FAM13A: variants seen among roughly 807,000 people sequenced by gnomAD.
The protein encoded by FAM13A is protein FAM13A.
FAM13A carries 76 observed loss-of-function variants against 129.6 expected under a neutral mutation model. The observed-to-expected ratio is 0.59, with a 90% CI of 0.49 to 0.71. The LOEUF is 0.71. FAM13A is among the 30% of genes least tolerant of loss of function. FAM13A has a pLI of 0.00. For synonymous variants in FAM13A, 443 were observed against 449.9 expected, an observed-to-expected ratio of 0.98 and a Z score of 0.20; for missense variants, 1,108 against 1,249.3, an observed-to-expected ratio of 0.89 and a Z score of 1.70.
intron 14 of FAM13A, among the ~76,000 whole-genome samples, chr4:88,754,616 A>G (rs1456789764): frequency 6.6e-6 from 1 of 152,198 alleles, no homozygotes; most frequent in Non-Finnish European, 1.5e-5. Context: ...AGACATAAAA[A>G]GATGTAAGCC....
At chr4:88,981,477 T>G (rs1761659311) in intron 4 of FAM13A, among the ~76,000 whole-genome samples, 1 of 152,200 alleles carries the variant, frequency 6.6e-6, no homozygotes, top group South Asian at 2.1e-4. Context: ...CCTTAAATAT[T>G]CTTAAAGTAT....
Position 89,015,017 on chromosome 4 carries a change from G to A in FAM13A, c.427+5443C>T, listed in dbSNP as rs151211855. ...GGAACAGCCCTGAGAAAGAGAATGC[G>A]TTCCTAGGGGGTGGTCTCTAAAATG... On this transcript the variant is annotated intron_variant, in intron 3 of 23. Coordinates refer to ENST00000264344, the MANE Select transcript of FAM13A (RefSeq NM_014883.4). Among the ~76,000 whole-genome samples the A allele has an allele frequency of 3.1e-3, 471 of 152,204 alleles. 2 individuals are homozygous for A. The highest frequency in any genetic ancestry group is 0.011 in the African/African-American group (451 of 41,536).
intron 6 of FAM13A, among the ~76,000 whole-genome samples, chr4:88,879,916 C>T (rs1428245259): frequency 6.6e-6 from 1 of 152,156 alleles, no homozygotes; most frequent in African/African-American, 2.4e-5. Context: ...ATAACCAAGA[C>T]TATTCAGGCT....
intron 5 of FAM13A, among the ~76,000 whole-genome samples, chr4:88,921,644 T>C (rs182551552): frequency 1.3e-5 from 2 of 152,108 alleles, no homozygotes; most frequent in Non-Finnish European, 2.9e-5. Context: ...CTGCATCAAC[T>C]AACGAGCAAA....
intron 6 of FAM13A, among the ~76,000 whole-genome samples, chr4:88,897,694 C>T (rs1161427627): frequency 6.6e-6 from 1 of 152,120 alleles, no homozygotes; most frequent in African/African-American, 2.4e-5. Context: ...TAGGCATCAC[C>T]CTCACAGCTC....
chr4:88,986,267 G>A (rs538560864), intron 4 of FAM13A, among the ~76,000 whole-genome samples: 6 of 151,894 alleles, frequency 4.0e-5, no homozygotes, highest in Non-Finnish European at 8.8e-5. Context: ...TCAAGTAGCT[G>A]TGATTACAGG....
rs148476044 is a variant in FAM13A at position 89,019,997 on chromosome 4, C to T, written c.427+463G>A. On this transcript the variant is annotated intron_variant, in intron 3 of 23. Transcript: ENST00000264344. ...TTTCTAAATTATTCTTGATCTCACT[C>T]CTTTTATGACAGTCATTAGTCAGAA... 3.5e-3 allele frequency among the ~76,000 whole-genome samples: 533 copies of T among 152,118 alleles called. 5 individuals carry two copies. The highest frequency in any genetic ancestry group is 0.012 in the African/African-American group (506 of 41,494).
chr4:88,769,314 T>C (rs1358580890), intron 11 of FAM13A, among the ~76,000 whole-genome samples: 1 of 152,208 alleles, frequency 6.6e-6, no homozygotes, highest in Non-Finnish European at 1.5e-5. Context: ...AATTCTCAGT[T>C]TGACACCCTG....
At chr4:88,855,794 T>C (rs1738384205) in intron 6 of FAM13A, 1 of 152,152 alleles carries the variant, frequency 6.6e-6, no homozygotes, top group Non-Finnish European at 1.5e-5. Context: ...TAAAATATCA[T>C]GCCTCAATCT....
chr4:88,797,049 G>C (rs549925476), intron 8 of FAM13A, among the ~76,000 whole-genome samples: 2 of 152,026 alleles, frequency 1.3e-5, no homozygotes, highest in African/African-American at 4.8e-5. Flanking sequence ...GTTTATGTAA[G>C]ACAAGAAAAT....
chr4:88,915,544 A>G (rs1749973153), intron 5 of FAM13A, among the ~76,000 whole-genome samples: 2 of 152,226 alleles, frequency 1.3e-5, no homozygotes, highest in African/African-American at 4.8e-5. Context: ...AAACACAATT[A>G]TAATTTTGAT....
intron 7 of FAM13A, among the ~76,000 whole-genome samples, chr4:88,812,608 G>A (rs968215192): frequency 1.3e-5 from 2 of 152,170 alleles, no homozygotes; most frequent in Middle Eastern, 3.2e-3. Flanking sequence ...AATCTGGGAA[G>A]CCATCTCTAG....
At chr4:88,964,263 C>T (rs1422521638) in intron 4 of FAM13A, among the ~76,000 whole-genome samples, 1 of 152,146 alleles carries the variant, frequency 6.6e-6, no homozygotes. Flanking sequence ...GTGGGAAGTA[C>T]TTCAGAGAAT....
At chr4:88,743,928 A>T (rs907257659) in intron 19 of FAM13A, among the ~76,000 whole-genome samples, 3 of 152,214 alleles carry the variant, frequency 2.0e-5, no homozygotes, top group Admixed American at 2.0e-4. Flanking sequence ...CTGAATCATC[A>T]AACTGCTAGA....
In FAM13A at chr4:89,020,678, G is replaced by C. The variant is rs1174161954; in HGVS notation, c.218-9C>G. 6.3e-7 allele frequency: 1 copy of C among 1,586,396 alleles called. No homozygotes were observed. The highest frequency in any genetic ancestry group is 2.2e-5 in the East Asian group (1 of 44,760). On this transcript the variant is annotated splice_polypyrimidine_tract_variant and intron_variant, in intron 2 of 23. Transcript: ENST00000264344. ...ACCTTCTTGGGTAAGTCCTGGAAGA[G>C]CAAAGTAGGCACAGAAAATAAATAG...
At chr4:89,011,463 T>C (rs1466730391) in intron 3 of FAM13A, among the ~76,000 whole-genome samples, 1 of 152,228 alleles carries the variant, frequency 6.6e-6, no homozygotes, top group Non-Finnish European at 1.5e-5. Context: ...GTTAGCCTTC[T>C]AGATGTTCTC....
chr4:89,052,280 T>C (rs1243180422), intron 1 of FAM13A, among the ~76,000 whole-genome samples: 1 of 146,846 alleles, frequency 6.8e-6, no homozygotes, highest in Non-Finnish European at 1.5e-5. Context: ...TTTTCTTTTT[T>C]CTTTTATTTT....
intron 6 of FAM13A, among the ~76,000 whole-genome samples, chr4:88,866,665 A>G (rs1222831480): frequency 6.6e-6 from 1 of 152,216 alleles, no homozygotes. Context: ...ATTCCAATCA[A>G]GGAAATACCA....
At chr4:88,768,281 A>G (rs1746091674) in intron 11 of FAM13A, 1 of 362,138 alleles carries the variant, frequency 2.8e-6, no homozygotes, top group African/African-American at 2.1e-5. Flanking sequence ...TAACAAACAT[A>G]TGTGACAGCA....
Sources: gnomAD v4.1 joint callset for allele counts (sites outside exome capture counted in the v4.1 genomes callset) on GRCh38, gnomAD v4.1.1 for gene constraint, MANE v1.5 for transcripts, NCBI Gene and HGNC (gene_info 2026-07-23, HGNC 2026-07-21) for gene names.